NBEAL2: variants seen among roughly 807,000 people sequenced by gnomAD.
NBEAL2 encodes the protein neurobeachin-like protein 2.
Under a neutral mutation model 299.8 loss-of-function variants are expected in NBEAL2, and 160 were observed. The ratio of observed to expected loss-of-function variants is 0.53; its 90% CI spans 0.47 to 0.61. The LOEUF is 0.61. NBEAL2 is among the 20% of genes least tolerant of loss of function. The probability of loss-of-function intolerance (pLI) is 0.00; values close to 1 mark genes in which losing one functional copy is unlikely to be tolerated. For synonymous variants in NBEAL2, 1,493 were observed against 1,542.3 expected (o/e 0.97, Z 0.75); for missense variants, 3,112 against 3,649.0 (o/e 0.85, Z 3.79).
chr3:47,003,926 A>G lies in NBEAL2; in HGVS notation c.5831A>G (p.Gln1944Arg). The stretch of plus-strand genomic sequence containing the variant: ...CCAGGGCTGCTGGAGGTCACCACAC[A>G]GAATGTATACTTCTACGATGGCAGC... ...VVPGLLEVTT[Q>R]NVYFYDGSTE... Residue 1944 changes from glutamine to arginine, a missense_variant, in exon 36 of 54, where the codon CAG becomes CGG. Coordinates refer to ENST00000450053, the MANE Select transcript of NBEAL2 (RefSeq NM_015175.3). The surrounding 1 kb of genome is among the most constrained non-coding windows in gnomAD (Gnocchi z 7.0). 1 of 1,613,716 alleles carries G rather than the reference A, an allele frequency of 6.2e-7. No individual in the cohort carries two copies. The highest frequency in any genetic ancestry group is 8.5e-7 in the Non-Finnish European group (1 of 1,179,754).
Position 47,000,515 on chromosome 3 carries a change from TG to T in NBEAL2, c.4305+112del. 10 of 1,367,484 alleles carry T rather than the reference TG, an allele frequency of 7.3e-6. No homozygotes were observed. Among genetic ancestry groups the T allele is most frequent in the Non-Finnish European group, 9.9e-6 (10 of 1,007,430 alleles). 84.7% of individuals were successfully genotyped at this position (1,367,484 alleles called of 1,614,324 possible). A position where few individuals can be genotyped will look rare whatever the true frequency, so the allele number is the denominator to read the frequency against. ...AGGTGTGGCCCTGTCTGACCAGGGTTGCAGCCACTGGTCAGGCCTATTGCTG... is the reference window on the plus strand; with the variant it reads ...AGGTGTGGCCCTGTCTGACCAGGGTTCAGCCACTGGTCAGGCCTATTGCTG... On this transcript the variant is annotated intron_variant, in intron 27 of 53. Coordinates refer to ENST00000450053, the MANE Select transcript of NBEAL2 (RefSeq NM_015175.3). The surrounding 1 kb of genome is among the most constrained non-coding windows in gnomAD (Gnocchi z 4.5).
intron 41 of NBEAL2, 37 bp downstream of exon 41, chr3:47,005,656 T>G (rs1246093904): frequency 6.2e-7 from 1 of 1,611,422 alleles, no homozygotes; most frequent in Non-Finnish European, 8.5e-7. Flanking sequence ...CGGGCAGGTG[T>G]AGGGATGGAG....
At position 47,002,783 on chromosome 3, in the gene NBEAL2, T is replaced by C. The variant is rs1304195428; in HGVS notation, c.5440T>C (p.Cys1814Arg). 7 of 1,463,052 alleles carry C rather than the reference T, an allele frequency of 4.8e-6. No individual in the cohort carries two copies. The highest frequency in any genetic ancestry group is 5.9e-5 in the East Asian group (2 of 33,646). The allele number at this position is 1,463,052 out of a possible 1,614,324, so 90.6% of individuals were successfully genotyped here. The change falls in exon 33 of 54, where the codon TGT (cysteine) becomes CGT (arginine). Residue 1814 changes from cysteine (C) to arginine (R), a missense_variant. Physicochemically the swap from Cys to Arg is radical, Grantham distance 180. Coordinates refer to ENST00000450053, the MANE Select transcript of NBEAL2 (RefSeq NM_015175.3). ...GALWRQLASP[C>R]GAWALRDTPI... ...GCTGTGGCGCCAGCTCGCCAGCCCATGTGGGGCCTGGGCGCTGAGGTGGGC... is the reference window on the plus strand; with the variant it reads ...GCTGTGGCGCCAGCTCGCCAGCCCACGTGGGGCCTGGGCGCTGAGGTGGGC...
At chr3:46,985,423 C>T (rs1437159882) in intron 1 of NBEAL2, among the ~76,000 whole-genome samples, 1 of 152,170 alleles carries the variant, frequency 6.6e-6, no homozygotes, top group Non-Finnish European at 1.5e-5. Flanking sequence ...ACTCCCTGTA[C>T]TCCCCACCAA....
In NBEAL2 at chr3:47,001,901, ATC is replaced by A. The variant is rs1217773307; in HGVS notation, c.4783-13_4783-12del. 4 of 1,605,952 alleles carry A rather than the reference ATC, an allele frequency of 2.5e-6. No individual in the cohort carries two copies. The highest frequency in any genetic ancestry group is 3.4e-6 in the Non-Finnish European group (4 of 1,174,256). ...CTCCAAGAGTGGCTGGGTGCCACTCATCTCTCTTGCGCCCACAGCTGCATGCC... is the reference window on the plus strand; with the variant it reads ...CTCCAAGAGTGGCTGGGTGCCACTCATCTCTTGCGCCCACAGCTGCATGCC... On this transcript the variant is annotated splice_polypyrimidine_tract_variant and intron_variant, in intron 30 of 53. Transcript: ENST00000450053. This position sits in a 1 kb window ranked among gnomAD's most constrained non-coding sequence, Gnocchi z 6.1.
rs949832536 is a variant in NBEAL2, at chr3:46,991,166, T to G, written c.557-53T>G. On this transcript the variant is annotated intron_variant, in intron 6 of 53. Coordinates refer to ENST00000450053, the MANE Select transcript of NBEAL2 (RefSeq NM_015175.3). The surrounding 1 kb of genome is among the most constrained non-coding windows in gnomAD (Gnocchi z 6.2). Reference sequence around the variant, plus strand: ...CTCACCTCTTGTGCAGCCCCCTGGGTCCATAGCCCTGCAACCTTGGTGACA... The same window carrying G: ...CTCACCTCTTGTGCAGCCCCCTGGGGCCATAGCCCTGCAACCTTGGTGACA... 6.7e-7 allele frequency: 1 copy of G among 1,488,038 alleles called. No individual in the cohort carries two copies. The highest frequency in any genetic ancestry group is 1.9e-5 in the Admixed American group (1 of 52,422). The allele number at this position is 1,488,038 out of a possible 1,614,324, so 92.2% of individuals were successfully genotyped here. A position where few individuals can be genotyped will look rare whatever the true frequency, so the allele number is the denominator to read the frequency against.
chr3:46,989,584 T>C lies in NBEAL2; in HGVS notation c.547T>C (p.Phe183Leu). The change falls in exon 6 of 54, where the codon TTC (phenylalanine) becomes CTC (leucine). Residue 183 changes from phenylalanine (F) to leucine (L), a missense_variant. By Grantham distance (22) the Phe-to-Leu change is conservative. Transcript: ENST00000450053. This position sits in a 1 kb window ranked among gnomAD's most constrained non-coding sequence, Gnocchi z 5.5. ...PAALPQEFSAFFQESLQNADH... is the reference protein window; with the variant it reads ...PAALPQEFSALFQESLQNADH... ...TGCTTTGCCCCAGGAATTCAGCGCC[T>C]TCTTCCAAGGTCAGGCCCCGCCCCT... The C allele has an allele frequency of 1.3e-6, 2 of 1,591,146 alleles. No individual in the cohort carries two copies. The highest frequency in any genetic ancestry group is 1.7e-4 in the Middle Eastern group (1 of 6,032).
Position 46,991,814 on chromosome 3 carries a change from G to T in NBEAL2, c.926-26G>T. Reference sequence around the variant, plus strand: ...AAGGCTGCCTAGAGGGGTCTGGGCAGGGCCTGACCCTTGACCCTTCCACAG... The same window carrying T: ...AAGGCTGCCTAGAGGGGTCTGGGCATGGCCTGACCCTTGACCCTTCCACAG... On this transcript the variant is annotated intron_variant, in intron 8 of 53. Coordinates refer to ENST00000450053, the MANE Select transcript of NBEAL2 (RefSeq NM_015175.3). The surrounding 1 kb of genome is among the most constrained non-coding windows in gnomAD (Gnocchi z 6.2). 6.4e-7 allele frequency: 1 copy of T among 1,574,780 alleles called. No individual in the cohort carries two copies. The highest frequency in any genetic ancestry group is 1.9e-5 in the Admixed American group (1 of 54,042).
chr3:47,002,471 G>C lies in NBEAL2; in HGVS notation c.5252G>C (p.Ser1751Thr). The C allele has an allele frequency of 6.2e-7, 1 of 1,613,140 alleles. No homozygotes were observed. Among genetic ancestry groups the C allele is most frequent in the Admixed American group, 1.7e-5 (1 of 60,030 alleles). Reference sequence around the variant, plus strand: ...GCCTGCTATGACATGCTTATGAGCAGTGGGCAGCGGCGCCAGTGGGAGCGC... The same window carrying C: ...GCCTGCTATGACATGCTTATGAGCACTGGGCAGCGGCGCCAGTGGGAGCGC... The part of the protein sequence containing the change: ...WNACYDMLMS[S>T]GQRRQWERAQ... The change falls in exon 32 of 54, where the codon AGT (serine) becomes ACT (threonine). Residue 1751 changes from serine to threonine, a missense_variant. Coordinates refer to ENST00000450053, the MANE Select transcript of NBEAL2 (RefSeq NM_015175.3).
At chr3:46,999,581 C>T in intron 25 of NBEAL2, 49 bp from the exon 26 acceptor site, 1 of 1,590,818 alleles carries the variant, frequency 6.3e-7, no homozygotes, top group Non-Finnish European at 8.6e-7. Context: ...TGGGCCCTGC[C>T]CTTTCTAGTC....
At chr3:46,994,674 C>T (rs1312244335) in intron 12 of NBEAL2, 121 bp downstream of exon 12, 5 of 851,914 alleles carry the variant, frequency 5.9e-6, no homozygotes, top group Non-Finnish European at 9.1e-6. Context: ...CATACTGTTA[C>T]CTGTAGCCTG....
Position 47,003,269 on chromosome 3 carries a change from G to T in NBEAL2, c.5680G>T (p.Asp1894Tyr), listed in dbSNP as rs768894332. 1.9e-6 allele frequency: 3 copies of T among 1,613,132 alleles called. No individual in the cohort carries two copies. The highest frequency in any genetic ancestry group is 3.3e-5 in the Admixed American group (2 of 60,006). ...VSTPPELLQE[D>Y]QLGEDELAEL... Reference sequence around the variant, plus strand: ...CACCCCACCCGAGTTGCTGCAGGAGGACCAGCTCGGCGAGGACGAGCTGGC... The same window carrying T: ...CACCCCACCCGAGTTGCTGCAGGAGTACCAGCTCGGCGAGGACGAGCTGGC... The change falls in exon 35 of 54, where the codon GAC (aspartate) becomes TAC (tyrosine). Residue 1894 changes from aspartate (D) to tyrosine (Y), a missense_variant. Transcript: ENST00000450053. The surrounding 1 kb of genome is among the most constrained non-coding windows in gnomAD (Gnocchi z 7.0).
intron 20 of NBEAL2, 47 bp downstream of exon 20, chr3:46,997,741 T>C: frequency 3.5e-6 from 5 of 1,441,268 alleles, no homozygotes; most frequent in Non-Finnish European, 4.6e-6. Context: ...ATGGTCAGCC[T>C]GTCTGACCGA....
chr3:46,979,942 C>A, intron 1 of NBEAL2, 30 bp downstream of exon 1: 1 of 347,446 alleles, frequency 2.9e-6, no homozygotes, highest in Non-Finnish European at 5.2e-6. Context: ...CGCCCGCACC[C>A]GCACCCGCGG....
Position 47,003,710 on chromosome 3 carries a change from T to G in NBEAL2, c.5721-106T>G, listed in dbSNP as rs1575619620. 1 of 1,373,234 alleles carries G rather than the reference T, an allele frequency of 7.3e-7. No homozygotes were observed. Among genetic ancestry groups the G allele is most frequent in the Non-Finnish European group, 9.7e-7 (1 of 1,030,540 alleles). 85.1% of individuals were successfully genotyped at this position (1,373,234 alleles called of 1,614,324 possible). A position where few individuals can be genotyped will look rare whatever the true frequency, so the allele number is the denominator to read the frequency against. On this transcript the variant is annotated intron_variant, in intron 35 of 53. Transcript: ENST00000450053. This position sits in a 1 kb window ranked among gnomAD's most constrained non-coding sequence, Gnocchi z 7.0. ...GGCAGCCCCTCCCCATCTCTGGGAG[T>G]CATGAGAGTATATACCCCATGACTC...
rs374899098 is a variant in NBEAL2 at position 47,009,366 on chromosome 3, C to G, written c.*46C>G. Reference sequence around the variant, plus strand: ...CGGGCCCCGCCCCCGGCAGGCCTGGCCCGGGAGGCCCCGCCCAGAAGTCGG... The same window carrying G: ...CGGGCCCCGCCCCCGGCAGGCCTGGGCCGGGAGGCCCCGCCCAGAAGTCGG... On this transcript the variant is annotated 3_prime_UTR_variant, in exon 54 of 54. Coordinates refer to ENST00000450053, the MANE Select transcript of NBEAL2 (RefSeq NM_015175.3). 1 of 1,524,758 alleles carries G rather than the reference C, an allele frequency of 6.6e-7. No homozygotes were observed. Among genetic ancestry groups the G allele is most frequent in the East Asian group, 2.5e-5 (1 of 40,410 alleles). 94.5% of individuals were successfully genotyped at this position (1,524,758 alleles called of 1,614,324 possible).
rs754693130 is a variant in NBEAL2 at position 47,005,555 on chromosome 3, T to C, written c.6627T>C (p.Pro2209=). Residue 2209 remains proline, a synonymous_variant, in exon 41 of 54, where the codon CCT becomes CCC. Coordinates refer to ENST00000450053, the MANE Select transcript of NBEAL2 (RefSeq NM_015175.3). The part of the protein sequence containing the change: ...AAAWQARLES[P]ADVKELIPEF... ...CCTGGCAGGCACGCCTGGAGAGCCC[T>C]GCCGATGTGAAGGAGCTCATCCCGG... The C allele has an allele frequency of 1.9e-6, 3 of 1,612,574 alleles. No individual in the cohort carries two copies. The South Asian group carries it at 3.3e-5, about 18-fold the overall frequency.
In NBEAL2 at chr3:46,996,765, G is replaced by A. The variant is rs751700790; in HGVS notation, c.2488G>A (p.Ala830Thr). The A allele has an allele frequency of 6.2e-7, 1 of 1,612,384 alleles. No homozygotes were observed. The highest frequency in any genetic ancestry group is 2.2e-5 in the East Asian group (1 of 44,868). Residue 830 changes from alanine (A) to threonine (T), a missense_variant, in exon 17 of 54, where the codon GCA becomes ACA. Ala to Thr is a moderately conservative substitution (Grantham distance 58). Transcript: ENST00000450053. The stretch of plus-strand genomic sequence containing the variant: ...CCACCTCCCAGGGCCCAATGAGACG[G>A]CACCCTTCAAGCCTGAGGGGGAGCT... ...TLCTLGPNET[A>T]PFKPEGELHE...
At position 47,009,201 on chromosome 3, in the gene NBEAL2, A is replaced by T. The variant is rs1304804349; in HGVS notation, c.8164-18A>T. ...GCGGCGATCCCAGCTGATCCTACTCAACCCTTACGCCCACCAGGTGCGCAG... is the reference window on the plus strand; with the variant it reads ...GCGGCGATCCCAGCTGATCCTACTCTACCCTTACGCCCACCAGGTGCGCAG... On this transcript the variant is annotated intron_variant, in intron 53 of 53. Coordinates refer to ENST00000450053, the MANE Select transcript of NBEAL2 (RefSeq NM_015175.3). The T allele has an allele frequency of 6.3e-7, 1 of 1,581,420 alleles. No homozygotes were observed. Among genetic ancestry groups the T allele is most frequent in the African/African-American group, 1.3e-5 (1 of 74,122 alleles).
Sources: gnomAD v4.1 joint callset for allele counts (sites outside exome capture counted in the v4.1 genomes callset) on GRCh38, gnomAD v4.1.1 for gene constraint, Gnocchi (gnomAD v3.1) non-coding constraint, MANE v1.5 for transcripts, NCBI Gene and HGNC (gene_info 2026-07-23, HGNC 2026-07-21) for gene names.